The following RPS28 variants were observed in gnomAD, a reference collection of about 807,000 sequenced individuals.
The protein encoded by RPS28 is small ribosomal subunit protein eS28.
In RPS28, 2 loss-of-function variants were observed where a neutral mutation model predicts 9.4. The ratio of observed to expected loss-of-function variants is 0.21; its 90% CI spans 0.09 to 0.67. The LOEUF (loss-of-function observed/expected upper bound fraction) is 0.67. Ranked by LOEUF, RPS28 falls within the 30% of genes least tolerant of loss-of-function variation. The probability of loss-of-function intolerance (pLI) is 0.82; values close to 1 mark genes in which losing one functional copy is unlikely to be tolerated. For missense variants in RPS28, 35 were observed against 95.3 expected (o/e 0.37, Z 2.63); for synonymous variants, 41 against 37.8 (o/e 1.08, Z -0.31).
Position 8,321,714 on chromosome 19 carries a change from G to A in RPS28, c.87+11G>A, listed in dbSNP as rs1970318718. On this transcript the variant is annotated intron_variant, in intron 2 of 3. Coordinates refer to ENST00000600659, the MANE Select transcript of RPS28 (RefSeq NM_001031.5). ...GGACAGTGCACGCAGGTAATCGGGT[G>A]GGGGCATTTGGCCGACTGCCGGCGA... The A allele has an allele frequency of 6.4e-7, 1 of 1,559,054 alleles. No individual in the cohort carries two copies. Among genetic ancestry groups the A allele is most frequent in the Non-Finnish European group, 8.7e-7 (1 of 1,151,166 alleles).
rs372596972 is a variant in RPS28, at chr19:8,322,793, G to C, written c.*538G>C. The C allele has an allele frequency of 2.5e-5, 35 of 1,422,774 alleles. 2 individuals are homozygous for C. Among genetic ancestry groups the C allele is most frequent in the Admixed American group, 5.3e-5 (3 of 57,046 alleles). The allele number at this position is 1,422,774 out of a possible 1,614,324, so 88.1% of individuals were successfully genotyped here. A position where few individuals can be genotyped will look rare whatever the true frequency, so the allele number is the denominator to read the frequency against. The stretch of plus-strand genomic sequence containing the variant: ...TGCGCCAAAGGCTGAGGTGACTGAC[G>C]AGGAGATCTCCCCACAGCTAGGTGT... On this transcript the variant is annotated 3_prime_UTR_variant, in exon 4 of 4. Transcript: ENST00000600659.
rs1970334830 is a variant in RPS28, at chr19:8,322,474, C to T, written c.*219C>T. The T allele has an allele frequency of 1.9e-6, 1 of 521,488 alleles. No individual in the cohort carries two copies. The highest frequency in any genetic ancestry group is 4.5e-5 in the East Asian group (1 of 22,022). 32.3% of individuals were successfully genotyped at this position (521,488 alleles called of 1,614,324 possible). Reference sequence around the variant, plus strand: ...GGCTCCCAGGCGGTCACCGATCCTCCGCACTCTGGAAATCCTGGCCGTGCG... The same window carrying T: ...GGCTCCCAGGCGGTCACCGATCCTCTGCACTCTGGAAATCCTGGCCGTGCG... On this transcript the variant is annotated 3_prime_UTR_variant, in exon 4 of 4. Transcript: ENST00000600659.
Position 8,322,993 on chromosome 19 carries a change from G to T in RPS28, c.*738G>T. 3 of 874,176 alleles carry T rather than the reference G, an allele frequency of 3.4e-6. No homozygotes were observed. Among genetic ancestry groups the T allele is most frequent in the Non-Finnish European group, 3.4e-6 (2 of 585,822 alleles). The allele number at this position is 874,176 out of a possible 1,614,324, so 54.2% of individuals were successfully genotyped here. On this transcript the variant is annotated 3_prime_UTR_variant, in exon 4 of 4. Coordinates refer to ENST00000600659, the MANE Select transcript of RPS28 (RefSeq NM_001031.5). ...GCAGGAAACGTGGGATTCAGCCCCAGCCTCACTTAGTGGAGGTTCTTTTAC... is the reference window on the plus strand; with the variant it reads ...GCAGGAAACGTGGGATTCAGCCCCATCCTCACTTAGTGGAGGTTCTTTTAC...
In RPS28 at chr19:8,322,908, A is replaced by G. The variant is rs1400470425; in HGVS notation, c.*653A>G. 2 of 1,544,694 alleles carry G rather than the reference A, an allele frequency of 1.3e-6. No individual in the cohort carries two copies. The highest frequency in any genetic ancestry group is 1.7e-6 in the Non-Finnish European group (2 of 1,145,454). On this transcript the variant is annotated 3_prime_UTR_variant, in exon 4 of 4. Transcript: ENST00000600659. ...CACCAGGTGTGGCTGTCTGGGAGCC[A>G]GGGGGTGACTCGCTCTGGAGAGAGG...
Position 8,322,850 on chromosome 19 carries a change from G to T in RPS28, c.*595G>T. 1 of 1,601,668 alleles carries T rather than the reference G, an allele frequency of 6.2e-7. No individual in the cohort carries two copies. Among genetic ancestry groups the T allele is most frequent in the Non-Finnish European group, 8.5e-7 (1 of 1,174,230 alleles). On this transcript the variant is annotated 3_prime_UTR_variant, in exon 4 of 4. Transcript: ENST00000600659. ...CCAGACGAGGCAGCTTACTGAACCT[G>T]GGGGTTCTCTCCATTGTCACCGCAT...
rs746869103 is a variant in RPS28 at position 8,321,841 on chromosome 19, G to A, written c.88-112G>A. On this transcript the variant is annotated intron_variant, in intron 2 of 3. Coordinates refer to ENST00000600659, the MANE Select transcript of RPS28 (RefSeq NM_001031.5). The stretch of plus-strand genomic sequence containing the variant: ...CGGGGTTCTGATGGTTCCCTTTAAC[G>A]ATCTGTATTCTGGCCCCGACACGTT... 4.6e-6 allele frequency: 7 copies of A among 1,523,574 alleles called. No individual in the cohort carries two copies. In the East Asian group the frequency reaches 1.2e-4, roughly 26 times the overall value. The allele number at this position is 1,523,574 out of a possible 1,614,324, so 94.4% of individuals were successfully genotyped here. A position where few individuals can be genotyped will look rare whatever the true frequency, so the allele number is the denominator to read the frequency against.
Position 8,322,832 on chromosome 19 carries a change from A to C in RPS28, c.*577A>C. ...ACAGCTAGGTGTAGTGAGCCAGACGAGGCAGCTTACTGAACCTGGGGGTTC... is the reference window on the plus strand; with the variant it reads ...ACAGCTAGGTGTAGTGAGCCAGACGCGGCAGCTTACTGAACCTGGGGGTTC... On this transcript the variant is annotated 3_prime_UTR_variant, in exon 4 of 4. Coordinates refer to ENST00000600659, the MANE Select transcript of RPS28 (RefSeq NM_001031.5). 1.2e-6 allele frequency: 2 copies of C among 1,602,984 alleles called. No individual in the cohort carries two copies. Among genetic ancestry groups the C allele is most frequent in the South Asian group, 2.2e-5 (2 of 90,108 alleles).
chr19:8,321,586 A>G lies in RPS28; in HGVS notation c.39+17A>G, dbSNP rs1206926473. The G allele has an allele frequency of 6.4e-7, 1 of 1,573,840 alleles. No homozygotes were observed. Among genetic ancestry groups the G allele is most frequent in the Non-Finnish European group, 8.6e-7 (1 of 1,161,316 alleles). On this transcript the variant is annotated intron_variant, in intron 1 of 3. Transcript: ENST00000600659. ...CTGGCCAGGGTGAGGTGGGGGCCCG[A>G]ATTTGGGGGCAGGGGGAGGGATTAG...
chr19:8,321,629 G>A (rs1970317054), intron 1 of RPS28, 27 bp from the exon 2 acceptor site: 2 of 1,557,170 alleles, frequency 1.3e-6, no homozygotes, highest in Admixed American at 1.9e-5. Context: ...AAACGGGCCG[G>A]GTCTGAACCC....
In RPS28 at chr19:8,323,148, T is replaced by A. The variant is rs147005998; in HGVS notation, c.*893T>A. The A allele has an allele frequency of 6.3e-4, 246 of 389,410 alleles. No homozygotes were observed. In the East Asian group the frequency reaches 9.3e-3, roughly 15 times the overall value. 24.1% of individuals were successfully genotyped at this position (389,410 alleles called of 1,614,324 possible). The stretch of plus-strand genomic sequence containing the variant: ...GTTCCTCAGTTTACAATGGGTTACA[T>A]TCCGGTGAGTACATCATAGGTTGAA... On this transcript the variant is annotated 3_prime_UTR_variant, in exon 4 of 4. Coordinates refer to ENST00000600659, the MANE Select transcript of RPS28 (RefSeq NM_001031.5).
At position 8,323,028 on chromosome 19, in the gene RPS28, A is replaced by G; in HGVS notation, c.*773A>G. Reference sequence around the variant, plus strand: ...GTGGAGGTTCTTTTACCATGGACCCAGGCTGCCTGGTTTGTATCCAACCTC... The same window carrying G: ...GTGGAGGTTCTTTTACCATGGACCCGGGCTGCCTGGTTTGTATCCAACCTC... On this transcript the variant is annotated 3_prime_UTR_variant, in exon 4 of 4. Coordinates refer to ENST00000600659, the MANE Select transcript of RPS28 (RefSeq NM_001031.5). 1.6e-6 allele frequency: 1 copy of G among 632,842 alleles called. No homozygotes were observed. The highest frequency in any genetic ancestry group is 2.6e-6 in the Non-Finnish European group (1 of 387,460). 39.2% of individuals were successfully genotyped at this position (632,842 alleles called of 1,614,324 possible). A position where few individuals can be genotyped will look rare whatever the true frequency, so the allele number is the denominator to read the frequency against.
At position 8,322,735 on chromosome 19, in the gene RPS28, T is replaced by C; in HGVS notation, c.*480T>C. 4 of 858,306 alleles carry C rather than the reference T, an allele frequency of 4.7e-6. No homozygotes were observed. Among genetic ancestry groups the C allele is most frequent in the Non-Finnish European group, 7.3e-6 (4 of 545,050 alleles). 53.2% of individuals were successfully genotyped at this position (858,306 alleles called of 1,614,324 possible). A position where few individuals can be genotyped will look rare whatever the true frequency, so the allele number is the denominator to read the frequency against. ...AATTGCCTTTCTCTTCGGCCAGTGT[T>C]AGCCTCTGAGCAGGGGACCCTGGAC... On this transcript the variant is annotated 3_prime_UTR_variant, in exon 4 of 4. Transcript: ENST00000600659.
chr19:8,322,021 G>A lies in RPS28; in HGVS notation c.156G>A (p.Glu52=), dbSNP rs2145404751. The A allele has an allele frequency of 6.2e-7, 1 of 1,613,038 alleles. No homozygotes were observed. The change falls in exon 3 of 4, where the codon GAG becomes GAA. Residue 52 remains glutamate, a synonymous_variant. Coordinates refer to ENST00000600659, the MANE Select transcript of RPS28 (RefSeq NM_001031.5). ...IIRNVKGPVR[E]GDVLTLLESE... ...GCAATGTAAAAGGCCCCGTGCGCGA[G>A]GGCGACGTGCTCACCCTTTTGGAGT... is the stretch of plus-strand genomic sequence containing the variant.
rs942568072 is a variant in RPS28, at chr19:8,322,705, A to C, written c.*450A>C. The C allele has an allele frequency of 3.0e-6, 2 of 666,418 alleles. No individual in the cohort carries two copies. Among genetic ancestry groups the C allele is most frequent in the Admixed American group, 2.9e-5 (1 of 34,424 alleles). The allele number at this position is 666,418 out of a possible 1,614,324, so 41.3% of individuals were successfully genotyped here. A position where few individuals can be genotyped will look rare whatever the true frequency, so the allele number is the denominator to read the frequency against. Reference sequence around the variant, plus strand: ...GCCCCTTCCTGCCACAGTCACCCCAACTGAAATTGCCTTTCTCTTCGGCCA... The same window carrying C: ...GCCCCTTCCTGCCACAGTCACCCCACCTGAAATTGCCTTTCTCTTCGGCCA... On this transcript the variant is annotated 3_prime_UTR_variant, in exon 4 of 4. Coordinates refer to ENST00000600659, the MANE Select transcript of RPS28 (RefSeq NM_001031.5).
In RPS28 at chr19:8,322,942, G is replaced by T; in HGVS notation, c.*687G>T. ...CTCGCTCTGGAGAGAGGGGAAAAGAGGGGGGCCTGCTGCAATCTCCTTGAG... is the reference window on the plus strand; with the variant it reads ...CTCGCTCTGGAGAGAGGGGAAAAGATGGGGGCCTGCTGCAATCTCCTTGAG... On this transcript the variant is annotated 3_prime_UTR_variant, in exon 4 of 4. Transcript: ENST00000600659. 7.3e-7 allele frequency: 1 copy of T among 1,367,484 alleles called. No homozygotes were observed. The highest frequency in any genetic ancestry group is 9.9e-7 in the Non-Finnish European group (1 of 1,010,454). 84.7% of individuals were successfully genotyped at this position (1,367,484 alleles called of 1,614,324 possible).
Position 8,321,986 on chromosome 19 carries a change from T to G in RPS28, c.121T>G (p.Ser41Ala). The change falls in exon 3 of 4, where the codon TCC (serine) becomes GCC (alanine). Residue 41 changes from serine to alanine, a missense_variant. Transcript: ENST00000600659. ...RVEFMDDTSR[S>A]IIRNVKGPVR... The stretch of plus-strand genomic sequence containing the variant: ...GGAATTCATGGACGACACGAGCCGA[T>G]CCATCATCCGCAATGTAAAAGGCCC... 1 of 1,613,020 alleles carries G rather than the reference T, an allele frequency of 6.2e-7. No homozygotes were observed. Among genetic ancestry groups the G allele is most frequent in the Non-Finnish European group, 8.5e-7 (1 of 1,179,644 alleles).
rs1372778683 is a variant in RPS28, at chr19:8,321,717, G to A, written c.87+14G>A. ...CAGTGCACGCAGGTAATCGGGTGGG[G>A]GCATTTGGCCGACTGCCGGCGACCT... On this transcript the variant is annotated intron_variant, in intron 2 of 3. Coordinates refer to ENST00000600659, the MANE Select transcript of RPS28 (RefSeq NM_001031.5). 2 of 1,558,722 alleles carry A rather than the reference G, an allele frequency of 1.3e-6. No individual in the cohort carries two copies. The highest frequency in any genetic ancestry group is 1.4e-5 in the African/African-American group (1 of 73,708).
rs1447183222 is a variant in RPS28, at chr19:8,322,343, C to T, written c.*88C>T. 7.8e-6 allele frequency: 5 copies of T among 638,074 alleles called. No homozygotes were observed. Among genetic ancestry groups the T allele is most frequent in the African/African-American group, 7.2e-5 (4 of 55,772 alleles). 39.5% of individuals were successfully genotyped at this position (638,074 alleles called of 1,614,324 possible). ...TCACAGTCTGCTCCTTTTTTTTGTC[C>T]GCCACACGTAACTGAGATGCTCCTT... is the stretch of plus-strand genomic sequence containing the variant. On this transcript the variant is annotated 3_prime_UTR_variant, in exon 4 of 4. Coordinates refer to ENST00000600659, the MANE Select transcript of RPS28 (RefSeq NM_001031.5).
rs78395239 is a variant in RPS28 at position 8,323,255 on chromosome 19, G to A, written c.*1000G>A. On this transcript the variant is annotated 3_prime_UTR_variant, in exon 4 of 4. Coordinates refer to ENST00000600659, the MANE Select transcript of RPS28 (RefSeq NM_001031.5). ...GCATGGTCCATCTTAAGCTTGTTCAGAACGCCTTAGCCTGTAGTTGGGGAA... is the reference window on the plus strand; with the variant it reads ...GCATGGTCCATCTTAAGCTTGTTCAAAACGCCTTAGCCTGTAGTTGGGGAA... 7.4e-3 allele frequency: 1,413 copies of A among 190,994 alleles called. 75 individuals carry two copies. In the East Asian group the frequency reaches 0.14, roughly 19 times the overall value. 11.8% of individuals were successfully genotyped at this position (190,994 alleles called of 1,614,324 possible). A position where few individuals can be genotyped will look rare whatever the true frequency, so the allele number is the denominator to read the frequency against.
Sources: allele counts gnomAD v4.1 joint callset, GRCh38; gene constraint gnomAD v4.1.1; transcripts MANE v1.5; gene names NCBI Gene and HGNC (gene_info 2026-07-23, HGNC 2026-07-21).